DPYD: variants seen among roughly 807,000 people sequenced by gnomAD.
DPYD encodes dihydropyrimidine dehydrogenase [NADP(+)].
DPYD carries 109 observed loss-of-function variants against 116.2 expected under a neutral mutation model. That is an observed-to-expected ratio of 0.94 (90% confidence interval 0.80 to 1.10). The LOEUF (loss-of-function observed/expected upper bound fraction) is 1.10. DPYD is among the 50% of genes least tolerant of loss of function. The probability of loss-of-function intolerance (pLI) is 0.00; values close to 1 mark genes in which losing one functional copy is unlikely to be tolerated. For missense variants in DPYD, 1,302 were observed against 1,254.5 expected, an observed-to-expected ratio of 1.04 and a Z score of -0.57; for synonymous variants, 440 against 432.0, an observed-to-expected ratio of 1.02 and a Z score of -0.23.
chr1:97,921,048 C>T (rs1168470446), upstream of DPYD: 14 of 1,260,878 alleles, frequency 1.1e-5, no homozygotes, highest in Non-Finnish European at 1.5e-5. Context: ...GCCGGCGGCG[C>T]GGGGGCGGAG....
intron 13 of DPYD, among the ~76,000 whole-genome samples, chr1:97,460,881 T>C (rs1676978235): frequency 6.6e-6 from 1 of 151,696 alleles, no homozygotes; most frequent in Non-Finnish European, 1.5e-5. Flanking sequence ...TCTACTAAAG[T>C]ACAAAATCAG....
At chr1:97,302,913 A>T (rs1666950028) in intron 18 of DPYD, among the ~76,000 whole-genome samples, 1 of 152,000 alleles carries the variant, frequency 6.6e-6, no homozygotes, top group African/African-American at 2.4e-5. Flanking sequence ...TCTCAAATCC[A>T]GGCTACTTAT....
chr1:97,582,181 G>T (rs1158168397), intron 10 of DPYD, among the ~76,000 whole-genome samples: 1 of 152,200 alleles, frequency 6.6e-6, no homozygotes, highest in South Asian at 2.1e-4. Context: ...AGTGAAACAA[G>T]TTTTTTGACC....
chr1:97,730,917 C>CAAAA (rs1224974602), intron 4 of DPYD, among the ~76,000 whole-genome samples: 1 of 151,598 alleles, frequency 6.6e-6, no homozygotes, highest in Non-Finnish European at 1.5e-5. Context: ...AAGAATTCTA[C>CAAAA]AATTTCATTT....
At chr1:97,158,252 C>T (rs77238270) in intron 20 of DPYD, among the ~76,000 whole-genome samples, 25,751 of 151,744 alleles carry the variant, frequency 0.17, 2,660 homozygotes, top group Middle Eastern at 0.27. Context: ...TCTGATTTAG[C>T]GATGGCAGTA....
chr1:97,394,704 C>G (rs905466934), intron 14 of DPYD, among the ~76,000 whole-genome samples: 72 of 151,924 alleles, frequency 4.7e-4, no homozygotes, highest in African/African-American at 1.6e-3. Context: ...CACAAACCTT[C>G]AATTTGTAAA....
At chr1:97,461,250 A>G (rs1302812321) in intron 13 of DPYD, among the ~76,000 whole-genome samples, 1 of 152,106 alleles carries the variant, frequency 6.6e-6, no homozygotes, top group Non-Finnish European at 1.5e-5. Flanking sequence ...TGCTTCCACA[A>G]TTTGGCACTC....
In DPYD at chr1:97,828,169, C is replaced by T. The variant is rs1160724559; in HGVS notation, c.178G>A (p.Asp60Asn). ...FNCEKLENNF[D>N]DIKHTTLGER... ...CCAAGAGTCGTGTGCTTGATGTCAT[C>T]AAAATTATTCTCCAGCTTCTCACAA... Residue 60 changes from aspartate to asparagine, a missense_variant, in exon 3 of 23, where the codon GAT becomes AAT. Transcript: ENST00000370192. 6.2e-7 allele frequency: 1 copy of T among 1,613,506 alleles called. No homozygotes were observed. The highest frequency in any genetic ancestry group is 1.7e-5 in the Admixed American group (1 of 59,984).
At chr1:97,838,800 G>C (rs1669902379) in intron 2 of DPYD, among the ~76,000 whole-genome samples, 1 of 152,046 alleles carries the variant, frequency 6.6e-6, no homozygotes, top group Non-Finnish European at 1.5e-5. Flanking sequence ...AGCCGAGATT[G>C]CGCCACTGCA....
At chr1:97,181,022 T>C (rs1389927110) in intron 20 of DPYD, among the ~76,000 whole-genome samples, 1 of 152,140 alleles carries the variant, frequency 6.6e-6, no homozygotes, top group Non-Finnish European at 1.5e-5. Context: ...CTAGAATTGG[T>C]GACCTGTTGG....
chr1:97,236,942 A>G (rs1661973364), intron 18 of DPYD, among the ~76,000 whole-genome samples: 1 of 152,014 alleles, frequency 6.6e-6, no homozygotes, highest in East Asian at 1.9e-4. Flanking sequence ...AGAGGCTGGG[A>G]GTGGTGGCTC....
chr1:97,188,483 A>C (rs1658148753), intron 20 of DPYD, among the ~76,000 whole-genome samples: 1 of 152,204 alleles, frequency 6.6e-6, no homozygotes, highest in Admixed American at 6.6e-5. Flanking sequence ...TGCAAACTCC[A>C]GTATGAATAA....
rs146816896 is a variant in DPYD, at chr1:97,520,178, G to A, written c.1525-4237C>T. Among the ~76,000 whole-genome samples, 787 of 152,086 alleles carry A rather than the reference G, an allele frequency of 5.2e-3. 5 individuals carry two copies. The highest frequency in any genetic ancestry group is 0.018 in the African/African-American group (748 of 41,474). The stretch of plus-strand genomic sequence containing the variant: ...TTCAGCAGGTATTTGTTAAGAACTT[G>A]GGGTTAAAAAGATGAACAAAACAGA... On this transcript the variant is annotated intron_variant, in intron 12 of 22. Coordinates refer to ENST00000370192, the MANE Select transcript of DPYD (RefSeq NM_000110.4).
At chr1:97,427,577 A>C (rs1479554072) in intron 14 of DPYD, among the ~76,000 whole-genome samples, 1 of 152,032 alleles carries the variant, frequency 6.6e-6, no homozygotes, top group African/African-American at 2.4e-5. Flanking sequence ...TAGCCAGGAA[A>C]CTAACAGAGC....
intron 3 of DPYD, among the ~76,000 whole-genome samples, chr1:97,755,544 G>C (rs1316160082): frequency 6.6e-6 from 1 of 152,128 alleles, no homozygotes; most frequent in Non-Finnish European, 1.5e-5. Context: ...GCTTCACAGA[G>C]CTCTCTGCCC....
chr1:97,159,092 C>G (rs1355247642), intron 20 of DPYD, among the ~76,000 whole-genome samples: 1 of 152,042 alleles, frequency 6.6e-6, no homozygotes, highest in South Asian at 2.1e-4. Flanking sequence ...GGGCAATCAA[C>G]AGGGATCAGT....
chr1:97,108,703 T>C (rs1210409419), intron 20 of DPYD, among the ~76,000 whole-genome samples: 1 of 152,128 alleles, frequency 6.6e-6, no homozygotes, highest in Non-Finnish European at 1.5e-5. Context: ...ATGAAAGCTA[T>C]TATAAATCTG....
intron 8 of DPYD, among the ~76,000 whole-genome samples, chr1:97,669,285 A>C (rs1216317683): frequency 6.6e-6 from 1 of 152,168 alleles, no homozygotes; most frequent in East Asian, 1.9e-4. Flanking sequence ...ATTAATGCTT[A>C]ATAATGCATT....
intron 12 of DPYD, among the ~76,000 whole-genome samples, chr1:97,535,735 C>T (rs894877338): frequency 1.3e-5 from 2 of 152,144 alleles, no homozygotes; most frequent in Admixed American, 6.5e-5. Context: ...ACCAACTAGA[C>T]AGTTTTGTTT....
Sources: allele counts gnomAD v4.1 joint callset (sites outside exome capture counted in the v4.1 genomes callset), GRCh38; gene constraint gnomAD v4.1.1; transcripts MANE v1.5; gene names NCBI Gene and HGNC (gene_info 2026-07-23, HGNC 2026-07-21).